The following CHMP6 variants were observed in gnomAD, a reference collection of about 807,000 sequenced individuals.
The protein encoded by CHMP6 is chromatin-modifying protein 6.
In CHMP6, 10 loss-of-function variants were observed where a neutral mutation model predicts 32.8. The observed-to-expected ratio is 0.30, with a 90% CI of 0.19 to 0.52. The LOEUF (loss-of-function observed/expected upper bound fraction) is 0.52, where lower values mean the gene tolerates loss of function less well. Among genes scored for constraint, CHMP6 ranks in the 20% least tolerant of loss-of-function variants. CHMP6 has a pLI of 0.97. For synonymous variants in CHMP6, 123 were observed against 105.8 expected, an observed-to-expected ratio of 1.16 and a Z score of -1.00; for missense variants, 269 against 263.8, an observed-to-expected ratio of 1.02 and a Z score of -0.14.
chr17:80,994,165 C>T (rs1207002083), intron 1 of CHMP6, among the ~76,000 whole-genome samples: 3 of 152,230 alleles, frequency 2.0e-5, no homozygotes, highest in East Asian at 1.9e-4. Context: ...CCGCCCGCCT[C>T]GGCCTCCCAA....
chr17:80,997,568 G>A (rs1269711986), intron 6 of CHMP6, among the ~76,000 whole-genome samples: 1 of 152,132 alleles, frequency 6.6e-6, no homozygotes, highest in African/African-American at 2.4e-5. Flanking sequence ...GAGCGGGGGT[G>A]CTGGGCCTTC....
At chr17:80,998,989 T>C in intron 7 of CHMP6, 109 bp from the exon 8 acceptor site, 3 of 1,285,876 alleles carry the variant, frequency 2.3e-6, no homozygotes, top group Non-Finnish European at 3.3e-6. Flanking sequence ...CCTTCCCTAG[T>C]GCGAAGTCCC....
intron 7 of CHMP6, chr17:80,998,677 G>C: frequency 7.2e-7 from 1 of 1,398,248 alleles, no homozygotes. Context: ...ACTGGGGAAA[G>C]GCTTCTTTAG....
chr17:80,998,316 C>T (rs2069656448), intron 6 of CHMP6, 50 bp from the exon 7 acceptor site: 1 of 1,610,952 alleles, frequency 6.2e-7, no homozygotes, highest in Non-Finnish European at 8.5e-7. Flanking sequence ...CCCAGGCAGC[C>T]CGGGGCAGAC....
At chr17:80,992,413 C>G (rs1337970716) in intron 1 of CHMP6, among the ~76,000 whole-genome samples, 1 of 152,220 alleles carries the variant, frequency 6.6e-6, no homozygotes, top group Non-Finnish European at 1.5e-5. Context: ...TCCCGCGGCT[C>G]ATTTGCCTCC....
At chr17:80,998,657 A>C in intron 7 of CHMP6, 3 of 1,408,158 alleles carry the variant, frequency 2.1e-6, no homozygotes, top group Non-Finnish European at 2.8e-6. Context: ...AGACACATTC[A>C]GAAATCAGAA....
rs563517986 is a variant in CHMP6 at position 80,991,907 on chromosome 17, G to C, written c.-12G>C. ...GGACTTGGTGGGTCCCGGGCCAGGG[G>C]CGGGCGCCGCCATGGGTAACCTGTT... is the stretch of plus-strand genomic sequence containing the variant. On this transcript the variant is annotated 5_prime_UTR_variant, in exon 1 of 8. Transcript: ENST00000325167. The C allele has an allele frequency of 6.9e-6, 10 of 1,453,886 alleles. No homozygotes were observed. Among genetic ancestry groups the C allele is most frequent in the Admixed American group, 4.6e-5 (2 of 43,234 alleles). The allele number at this position is 1,453,886 out of a possible 1,614,324, so 90.1% of individuals were successfully genotyped here. A position where few individuals can be genotyped will look rare whatever the true frequency, so the allele number is the denominator to read the frequency against.
chr17:80,993,952 AC>A (rs1253875811), intron 1 of CHMP6, among the ~76,000 whole-genome samples: 2 of 151,830 alleles, frequency 1.3e-5, no homozygotes, highest in Non-Finnish European at 2.9e-5. Flanking sequence ...TCACTCTGTC[AC>A]CCAGGCTGGA....
chr17:80,995,596 C>G (rs546151625), intron 3 of CHMP6, 76 bp from the exon 4 acceptor site: 82 of 1,344,084 alleles, frequency 6.1e-5, no homozygotes, highest in Non-Finnish European at 8.4e-5. Flanking sequence ...GGGTGTCATC[C>G]TGAACCCTGC....
At chr17:80,998,584 C>T in intron 7 of CHMP6, 164 bp downstream of exon 7, 1 of 1,481,378 alleles carries the variant, frequency 6.8e-7, no homozygotes, top group African/African-American at 1.4e-5. Flanking sequence ...TGGGGTTGGG[C>T]TTGGGTTTCC....
chr17:80,996,906 C>T, intron 4 of CHMP6, 101 bp from the exon 5 acceptor site: 1 of 1,159,458 alleles, frequency 8.6e-7, no homozygotes, highest in Non-Finnish European at 1.2e-6. Flanking sequence ...TAAAAATAAA[C>T]AGAGGGGTGA....
At position 80,998,396 on chromosome 17, in the gene CHMP6, G is replaced by C. The variant is rs762854982; in HGVS notation, c.526G>C (p.Glu176Gln). 13 of 1,614,062 alleles carry C rather than the reference G, an allele frequency of 8.1e-6. No homozygotes were observed. Among genetic ancestry groups the C allele is most frequent in the Middle Eastern group, 1.6e-4 (1 of 6,082 alleles). ...AATAGAGCTGCCAGAGGTTCCCTCC[G>C]AGCCCCTTCCTGAGAAGATCCCAGG... is the stretch of plus-strand genomic sequence containing the variant. ...EQIELPEVPS[E>Q]PLPEKIPENV... Residue 176 changes from glutamate to glutamine, a missense_variant, in exon 7 of 8, where the codon GAG (glutamate) becomes CAG (glutamine). Glu to Gln is a conservative substitution (Grantham distance 29, BLOSUM62 2). Coordinates refer to ENST00000325167, the MANE Select transcript of CHMP6 (RefSeq NM_024591.5).
chr17:80,998,319 G>A (rs372892947), intron 6 of CHMP6, 47 bp from the exon 7 acceptor site: 39 of 1,611,812 alleles, frequency 2.4e-5, no homozygotes, highest in African/African-American at 4.0e-5. Flanking sequence ...AGGCAGCCCG[G>A]GGCAGACCTG....
intron 1 of CHMP6, among the ~76,000 whole-genome samples, chr17:80,993,914 C>T (rs1463670415): frequency 1.3e-5 from 2 of 151,768 alleles, no homozygotes; most frequent in South Asian, 2.1e-4. Flanking sequence ...GTTCTTGAGT[C>T]GGAACTTTTT....
chr17:80,994,218 C>G (rs2069617293), intron 1 of CHMP6, among the ~76,000 whole-genome samples: 1 of 152,228 alleles, frequency 6.6e-6, no homozygotes, highest in Non-Finnish European at 1.5e-5. Context: ...CCAGCCGAGT[C>G]CAAACCTTTG....
intron 1 of CHMP6, among the ~76,000 whole-genome samples, chr17:80,993,756 G>A (rs550509989): frequency 1.3e-5 from 2 of 152,306 alleles, no homozygotes; most frequent in Admixed American, 6.5e-5. Context: ...GGGGCCGAGT[G>A]GGTGTCCCTG....
chr17:80,996,512 C>T (rs1367163668), intron 4 of CHMP6, among the ~76,000 whole-genome samples: 1 of 152,188 alleles, frequency 6.6e-6, no homozygotes, highest in African/African-American at 2.4e-5. Context: ...GGCTGTGCTA[C>T]TTTTCCAAGT....
chr17:80,999,384 C>G lies in CHMP6; in HGVS notation c.*231C>G, dbSNP rs751909886. On this transcript the variant is annotated 3_prime_UTR_variant, in exon 8 of 8. Transcript: ENST00000325167. ...CCTGCTCTCAGTCCGGATTAACTCT[C>G]GACCGAGCCCAGCTTCTGCCGGTTG... The G allele has an allele frequency of 1.2e-5, 6 of 512,340 alleles. No individual in the cohort carries two copies. Among genetic ancestry groups the G allele is most frequent in the African/African-American group, 7.8e-5 (4 of 51,444 alleles). 31.7% of individuals were successfully genotyped at this position (512,340 alleles called of 1,614,324 possible).
Position 80,998,423 on chromosome 17 carries a change from A to G in CHMP6, c.550+3A>G, listed in dbSNP as rs1208007270. ...GCCCCTTCCTGAGAAGATCCCAGGT[A>G]TTTCCATGTTTGATTCTTTTGAATG... is the stretch of plus-strand genomic sequence containing the variant. On this transcript the variant is annotated splice_donor_region_variant and intron_variant, in intron 7 of 7. Transcript: ENST00000325167. The G allele has an allele frequency of 6.2e-7, 1 of 1,614,168 alleles. No individual in the cohort carries two copies. Among genetic ancestry groups the G allele is most frequent in the South Asian group, 1.1e-5 (1 of 91,088 alleles).
Sources: gnomAD v4.1 joint callset for allele counts (sites outside exome capture counted in the v4.1 genomes callset) on GRCh38, gnomAD v4.1.1 for gene constraint, MANE v1.5 for transcripts, NCBI Gene and HGNC (gene_info 2026-07-23, HGNC 2026-07-21) for gene names.